The following DNAH14 variants were observed in gnomAD, a reference collection of about 807,000 sequenced individuals.
DNAH14 encodes the protein dynein axonemal heavy chain 14.
DNAH14 carries 478 observed loss-of-function variants against 520.9 expected under a neutral mutation model. That is an observed-to-expected ratio of 0.92 (90% CI 0.85 to 0.99). The LOEUF is 0.99. Among genes scored for constraint, DNAH14 ranks in the 50% least tolerant of loss-of-function variants. The pLI is 0.00. For synonymous variants in DNAH14, 1,581 were observed against 1,757.2 expected (o/e 0.90, Z 2.51); for missense variants, 4,831 against 5,234.5 (o/e 0.92, Z 2.38).
intron 41 of DNAH14, among the ~76,000 whole-genome samples, chr1:225,229,458 A>C (rs2090887470): frequency 6.6e-6 from 1 of 152,158 alleles, no homozygotes. Flanking sequence ...ACTATAAAGA[A>C]ACATGCATAT....
At chr1:225,385,849 T>A (rs541010904) in intron 81 of DNAH14, among the ~76,000 whole-genome samples, 1 of 152,286 alleles carries the variant, frequency 6.6e-6, no homozygotes, top group East Asian at 1.9e-4. Context: ...AAGCTACCAA[T>A]GACTTTCTTC....
chr1:225,042,018 A>C (rs926726384), intron 12 of DNAH14, among the ~76,000 whole-genome samples: 2 of 152,204 alleles, frequency 1.3e-5, no homozygotes, highest in Non-Finnish European at 2.9e-5. Flanking sequence ...CTGAACAAAC[A>C]CTATACCCAT....
rs962797689 is a variant in DNAH14, at chr1:225,100,819, G to A, written c.3802G>A (p.Ala1268Thr). 5.2e-6 allele frequency: 8 copies of A among 1,534,562 alleles called. No individual in the cohort carries two copies. Among genetic ancestry groups the A allele is most frequent in the Non-Finnish European group, 4.4e-6 (5 of 1,142,346 alleles). The change falls in exon 23 of 86, where the codon GCA (alanine) becomes ACA (threonine). Residue 1268 changes from alanine to threonine, a missense_variant. By Grantham distance (58) the Ala-to-Thr change is moderately conservative (BLOSUM62 0). Transcript: ENST00000682510. ...GAATGCTTTGCAGATAACCACTTCT[G>A]CAGGAGTCCTTGAAATTCTGCAAAA... ...KQNALQITTS[A>T]GVLEILQNCN...
chr1:225,363,664 A>G (rs560321655), intron 75 of DNAH14, among the ~76,000 whole-genome samples: 3 of 152,288 alleles, frequency 2.0e-5, no homozygotes, highest in East Asian at 3.9e-4. Context: ...CCCCCTGTGG[A>G]TACTGGAATT....
chr1:225,259,826 T>G (rs1279407272), intron 46 of DNAH14, among the ~76,000 whole-genome samples: 1 of 152,196 alleles, frequency 6.6e-6, no homozygotes, highest in East Asian at 1.9e-4. Flanking sequence ...TGTCTTTCTG[T>G]GCCTGGCTTA....
At chr1:225,057,157 C>T (rs966605332) in intron 17 of DNAH14, among the ~76,000 whole-genome samples, 9 of 152,188 alleles carry the variant, frequency 5.9e-5, no homozygotes, top group African/African-American at 2.2e-4. Context: ...ATTCTTCCTA[C>T]CCATGAGCAT....
chr1:224,992,139 T>C (rs2063101199), intron 8 of DNAH14, among the ~76,000 whole-genome samples: 1 of 152,136 alleles, frequency 6.6e-6, no homozygotes, highest in South Asian at 2.1e-4. Flanking sequence ...TTTTAATTGC[T>C]ATAGATTTAA....
At chr1:225,221,896 A>AAACATAGTT (rs2090078524) in intron 41 of DNAH14, among the ~76,000 whole-genome samples, 1 of 152,220 alleles carries the variant, frequency 6.6e-6, no homozygotes, top group Non-Finnish European at 1.5e-5. Context: ...CTCTCAATTC[A>AAACATAGTT]GGGGGTCAAC....
chr1:224,939,538 G>A (rs1456929191), intron 1 of DNAH14, among the ~76,000 whole-genome samples: 1 of 152,082 alleles, frequency 6.6e-6, no homozygotes, highest in Non-Finnish European at 1.5e-5. Flanking sequence ...CGAAAAATTA[G>A]CTGGGTGTGG....
chr1:225,387,913 A>G (rs999601522), intron 81 of DNAH14, among the ~76,000 whole-genome samples: 10 of 152,176 alleles, frequency 6.6e-5, no homozygotes, highest in African/African-American at 2.4e-4. Flanking sequence ...ACAGGGCTGG[A>G]GAATGGAAAG....
chr1:225,304,311 A>G (rs1331909855), intron 57 of DNAH14, among the ~76,000 whole-genome samples: 1 of 152,160 alleles, frequency 6.6e-6, no homozygotes, highest in Non-Finnish European at 1.5e-5. Flanking sequence ...TAATCCCAGC[A>G]GTTTGGGAGG....
intron 41 of DNAH14, among the ~76,000 whole-genome samples, chr1:225,228,908 T>C (rs369365584): frequency 1.6e-4 from 25 of 152,164 alleles, no homozygotes; most frequent in East Asian, 9.6e-4. Flanking sequence ...AAGGCAGCTG[T>C]TCTTACCCAG....
chr1:225,158,202 T>C (rs1221851881), intron 34 of DNAH14, among the ~76,000 whole-genome samples: 1 of 152,204 alleles, frequency 6.6e-6, no homozygotes, highest in Admixed American at 6.5e-5. Flanking sequence ...TAGTGTTTAG[T>C]ATATGAAATA....
intron 34 of DNAH14, among the ~76,000 whole-genome samples, chr1:225,156,589 G>A (rs1187766325): frequency 2.0e-5 from 3 of 152,076 alleles, no homozygotes; most frequent in African/African-American, 7.2e-5. Context: ...ATGACTCAAA[G>A]GTAGACACAC....
intron 73 of DNAH14, among the ~76,000 whole-genome samples, chr1:225,357,328 T>C (rs1481555451): frequency 1.3e-5 from 2 of 150,386 alleles, no homozygotes; most frequent in Non-Finnish European, 3.0e-5. Flanking sequence ...AAAAAAAAAA[T>C]AGTCCTCAAG....
chr1:225,057,707 A>G (rs529898192), intron 17 of DNAH14, among the ~76,000 whole-genome samples: 3 of 152,318 alleles, frequency 2.0e-5, no homozygotes, highest in South Asian at 4.1e-4. Flanking sequence ...TGTCCCATCA[A>G]TACCTAATTT....
chr1:225,106,088 A>G (rs1450125100), intron 23 of DNAH14, among the ~76,000 whole-genome samples: 6 of 147,344 alleles, frequency 4.1e-5, no homozygotes, highest in Non-Finnish European at 8.8e-5. Flanking sequence ...TGGTGACAAA[A>G]TCTCTCAGCA....
Position 225,333,307 on chromosome 1 carries a change from C to T in DNAH14, c.9881C>T (p.Thr3294Ile), listed in dbSNP as rs1259411272. The T allele has an allele frequency of 1.3e-6, 2 of 1,548,300 alleles. No homozygotes were observed. Among genetic ancestry groups the T allele is most frequent in the East Asian group, 4.9e-5 (2 of 40,824 alleles). The change falls in exon 66 of 86, where the codon ACA (threonine) becomes ATA (isoleucine). Residue 3294 changes from threonine (T) to isoleucine (I), a missense_variant. Thr to Ile is a moderately conservative substitution (Grantham distance 89). Coordinates refer to ENST00000682510, the MANE Select transcript of DNAH14 (RefSeq NM_001367479.1). ...LEDEKTRWQETINQIDNKLEG... is the reference protein window; with the variant it reads ...LEDEKTRWQEIINQIDNKLEG... ...AACATTTAGACTCGATGGCAAGAAA[C>T]AATCAATCAAATAGATAACAAATTA...
intron 17 of DNAH14, among the ~76,000 whole-genome samples, chr1:225,058,400 G>A (rs999087328): frequency 9.9e-5 from 15 of 152,058 alleles, no homozygotes; most frequent in East Asian, 1.9e-4. Context: ...TTTTTATTGC[G>A]TCTATTTGAT....
Sources: allele counts gnomAD v4.1 joint callset (sites outside exome capture counted in the v4.1 genomes callset), GRCh38; gene constraint gnomAD v4.1.1; transcripts MANE v1.5; gene names NCBI Gene and HGNC (gene_info 2026-07-23, HGNC 2026-07-21).